The following ESRRB variants were observed in gnomAD, a reference collection of about 807,000 sequenced individuals.
The protein encoded by ESRRB is estrogen related receptor beta, also known as steroid hormone receptor ERR2.
Under a neutral mutation model 46.0 loss-of-function variants are expected in ESRRB, and 16 were observed. That is an observed-to-expected ratio of 0.35 (90% CI 0.24 to 0.53). ESRRB has a LOEUF of 0.53. Among genes scored for constraint, ESRRB ranks in the 20% least tolerant of loss-of-function variants. The pLI, the probability that ESRRB is intolerant of heterozygous loss-of-function variation, is 0.93. For missense variants in ESRRB, 488 were observed against 607.4 expected, an observed-to-expected ratio of 0.80 and a Z score of 2.07; for synonymous variants, 246 against 259.6, an observed-to-expected ratio of 0.95 and a Z score of 0.50.
chr14:76,319,612 C>T (rs1472730013), intron 1 of ESRRB, among the ~76,000 whole-genome samples: 1 of 152,146 alleles, frequency 6.6e-6, no homozygotes, highest in African/African-American at 2.4e-5. Flanking sequence ...CTTTAGAATC[C>T]CATATGCTGT....
upstream of ESRRB, among the ~76,000 whole-genome samples, chr14:76,369,422 C>T (rs530667018): frequency 9.2e-5 from 14 of 151,794 alleles, no homozygotes; most frequent in African/African-American, 3.4e-4. Flanking sequence ...TACAGGCACA[C>T]ACCACAGTGT....
At chr14:76,424,819 C>G (rs1887128054) in intron 1 of ESRRB, among the ~76,000 whole-genome samples, 1 of 152,150 alleles carries the variant, frequency 6.6e-6, no homozygotes, top group Non-Finnish European at 1.5e-5. Flanking sequence ...TCACTGCAAC[C>G]TCCACCTCCC....
chr14:76,482,033 G>C lies in ESRRB; in HGVS notation c.595G>C (p.Val199Leu). ...MLKEGVRLDRVRGGRQKYKRR... is the reference protein window; with the variant it reads ...MLKEGVRLDRLRGGRQKYKRR... ...CCCAATAGGTGTGCGCCTTGATCGA[G>C]TGCGTGGAGGCCGTCAGAAATACAA... The change falls in exon 4 of 7, where the codon GTG (valine) becomes CTG (leucine). Residue 199 changes from valine (V) to leucine (L), a missense_variant. Physicochemically the swap from Val to Leu is conservative, Grantham distance 32. Coordinates refer to ENST00000644823, the MANE Select transcript of ESRRB (RefSeq NM_001379180.1). This position sits in a 1 kb window ranked among gnomAD's most constrained non-coding sequence, Gnocchi z 4.3. 4 of 1,614,218 alleles carry C rather than the reference G, an allele frequency of 2.5e-6. No individual in the cohort carries two copies. Among genetic ancestry groups the C allele is most frequent in the Non-Finnish European group, 3.4e-6 (4 of 1,180,032 alleles).
chr14:76,419,324 C>A (rs575919436), intron 1 of ESRRB, among the ~76,000 whole-genome samples: 1 of 152,264 alleles, frequency 6.6e-6, no homozygotes, highest in East Asian at 1.9e-4. Context: ...TGAGAGTCTG[C>A]AAAATGTTGA....
At chr14:76,373,035 C>G (rs574177867), upstream of ESRRB, among the ~76,000 whole-genome samples, 198 of 152,256 alleles carry the variant, frequency 1.3e-3, no homozygotes, top group African/African-American at 4.6e-3. Flanking sequence ...CCCTCCTAGC[C>G]ATAAGGTGCT....
chr14:76,322,771 C>A (rs547778400), intron 1 of ESRRB, among the ~76,000 whole-genome samples: 1 of 152,338 alleles, frequency 6.6e-6, no homozygotes, highest in African/African-American at 2.4e-5. Flanking sequence ...GATGCTGATT[C>A]TACCGCCTTG....
Position 76,498,645 on chromosome 14 carries a change from A to AGGGGTT in ESRRB, c.*187_*188insGGGGTT. 1 of 264,014 alleles carries AGGGGTT rather than the reference A, an allele frequency of 3.8e-6. No homozygotes were observed. Among genetic ancestry groups the AGGGGTT allele is most frequent in the Non-Finnish European group, 7.5e-6 (1 of 133,870 alleles). 16.4% of individuals were successfully genotyped at this position (264,014 alleles called of 1,614,324 possible). On this transcript the variant is annotated 3_prime_UTR_variant, in exon 7 of 7. Coordinates refer to ENST00000644823, the MANE Select transcript of ESRRB (RefSeq NM_001379180.1). ...GGGTGCAGTGGGGTGGGGGACGGGG[A>AGGGGTT]TGGGGGGGCAGGGGTGTGGGGCTCG...
chr14:76,448,502 A>T (rs376403789), intron 2 of ESRRB, among the ~76,000 whole-genome samples: 1 of 144,526 alleles, frequency 6.9e-6, no homozygotes, highest in Non-Finnish European at 1.5e-5. Context: ...CTAATTTTGT[A>T]TTTTTTTTTT....
intron 1 of ESRRB, 149 bp from the exon 2 acceptor site, chr14:76,439,192 G>T: frequency 2.2e-6 from 2 of 908,938 alleles, no homozygotes; most frequent in Non-Finnish European, 1.8e-6. Flanking sequence ...GCTGCGCCGA[G>T]GGGAGACCAG....
At chr14:76,484,331 G>C (rs11845849) in intron 5 of ESRRB, among the ~76,000 whole-genome samples, 13,525 of 151,988 alleles carry the variant, frequency 0.089, 777 homozygotes, top group African/African-American at 0.15. Flanking sequence ...CCAGGGATCT[G>C]GGCTGGTACG....
At chr14:76,354,519 G>A (rs1884355157) in intron 1 of ESRRB, among the ~76,000 whole-genome samples, 2 of 151,828 alleles carry the variant, frequency 1.3e-5, no homozygotes, top group East Asian at 1.9e-4. Context: ...AGGTCCCGGG[G>A]GTGAGGGATT....
intron 1 of ESRRB, among the ~76,000 whole-genome samples, chr14:76,414,522 AG>A (rs984107211): frequency 2.6e-5 from 4 of 151,330 alleles, no homozygotes; most frequent in African/African-American, 9.7e-5. Flanking sequence ...TGTGTTGCTG[AG>A]CTTGCAGTCT....
At chr14:76,366,779 C>G (rs1052209005), upstream of ESRRB, among the ~76,000 whole-genome samples, 2 of 152,154 alleles carry the variant, frequency 1.3e-5, no homozygotes, top group African/African-American at 2.4e-5. Context: ...CACCATTAAC[C>G]TGAACATCCT....
chr14:76,500,067 G>A lies in ESRRB; in HGVS notation c.*1609G>A. 3 of 1,549,870 alleles carry A rather than the reference G, an allele frequency of 1.9e-6. No homozygotes were observed. The highest frequency in any genetic ancestry group is 2.6e-6 in the Non-Finnish European group (3 of 1,145,364). On this transcript the variant is annotated 3_prime_UTR_variant, in exon 7 of 7. Transcript: ENST00000644823. ...CAGCACTAGGACACCAGGAGGCCAG[G>A]TAACTTTCTGCAGCTTTTCCATAGA... is the stretch of plus-strand genomic sequence containing the variant.
At position 76,500,795 on chromosome 14, in the gene ESRRB, T is replaced by A. The variant is rs1415888905; in HGVS notation, c.*2337T>A. On this transcript the variant is annotated 3_prime_UTR_variant, in exon 7 of 7. Transcript: ENST00000644823. ...TCACTGGATCTAGTGTTGCTGCGAG[T>A]GACCTCACTTCAGAGCCCCTCTAGC... 6.5e-6 allele frequency: 10 copies of A among 1,539,728 alleles called. No individual in the cohort carries two copies. The highest frequency in any genetic ancestry group is 6.3e-6 in the Non-Finnish European group (7 of 1,112,266).
intron 1 of ESRRB, among the ~76,000 whole-genome samples, chr14:76,325,298 G>A (rs987575976): frequency 2.6e-5 from 4 of 152,112 alleles, no homozygotes; most frequent in Admixed American, 6.5e-5. Context: ...CTGGCTCTGC[G>A]TGGGAAAAAT....
At chr14:76,489,670 G>A (rs1326622899) in intron 5 of ESRRB, among the ~76,000 whole-genome samples, 1 of 152,186 alleles carries the variant, frequency 6.6e-6, no homozygotes, top group East Asian at 1.9e-4. Context: ...ATGCTCACAG[G>A]GTAAGGGTGG....
rs143118664 is a variant in ESRRB, at chr14:76,491,623, C to T, written c.1027C>T (p.Arg343Trp). ...SRLAGLLELY[R>W]AILQLVRRYK... ...CCTCGCGGGGCTGCTGGAGCTCTACCGGGCCATCCTGCAGCTGGTACGCAG... is the reference window on the plus strand; with the variant it reads ...CCTCGCGGGGCTGCTGGAGCTCTACTGGGCCATCCTGCAGCTGGTACGCAG... Residue 343 changes from arginine to tryptophan, a missense_variant, in exon 6 of 7, where the codon CGG (arginine) becomes TGG (tryptophan). By Grantham distance (101) the Arg-to-Trp change is moderately radical (BLOSUM62 -3). Coordinates refer to ENST00000644823, the MANE Select transcript of ESRRB (RefSeq NM_001379180.1). 134 of 1,584,004 alleles carry T rather than the reference C, an allele frequency of 8.5e-5. No homozygotes were observed. Among genetic ancestry groups the T allele is most frequent in the East Asian group, 2.0e-4 (9 of 43,950 alleles).
intron 1 of ESRRB, among the ~76,000 whole-genome samples, chr14:76,411,695 A>G (rs897647113): frequency 2.0e-5 from 3 of 152,100 alleles, no homozygotes; most frequent in Non-Finnish European, 4.4e-5. Context: ...CACAGTATCA[A>G]CCTCGGAGGG....
Sources: gnomAD v4.1 joint callset for allele counts (sites outside exome capture counted in the v4.1 genomes callset) on GRCh38, gnomAD v4.1.1 for gene constraint, Gnocchi (gnomAD v3.1) non-coding constraint, MANE v1.5 for transcripts, NCBI Gene and HGNC (gene_info 2026-07-23, HGNC 2026-07-21) for gene names.